Variants in TRIO observed in about 807,000 individuals in gnomAD.
The protein encoded by TRIO is trio Rho guanine nucleotide exchange factor.
Under a neutral mutation model 351.9 loss-of-function variants are expected in TRIO, and 58 were observed. That is an observed-to-expected ratio of 0.16 (90% CI 0.13 to 0.21). The LOEUF (loss-of-function observed/expected upper bound fraction) is 0.21, where lower values mean the gene tolerates loss of function less well. TRIO is among the 10% of genes least tolerant of loss of function. The pLI is 1.00. For missense variants in TRIO, 3,201 were observed against 4,027.8 expected, an observed-to-expected ratio of 0.79 and a Z score of 5.56; for synonymous variants, 1,758 against 1,595.7, an observed-to-expected ratio of 1.10 and a Z score of -2.42.
At position 14,388,069 on chromosome 5, in the gene TRIO, C is replaced by G. The variant is rs1579505746; in HGVS notation, c.3881+222C>G. The G allele has an allele frequency of 9.2e-6, 5 of 544,474 alleles. No individual in the cohort carries two copies. The East Asian group carries it at 1.5e-4, about 16-fold the overall frequency. 33.7% of individuals were successfully genotyped at this position (544,474 alleles called of 1,614,324 possible). A position where few individuals can be genotyped will look rare whatever the true frequency, so the allele number is the denominator to read the frequency against. On this transcript the variant is annotated intron_variant, in intron 23 of 56. Transcript: ENST00000344204. ...AGTTTTTATCCCTGTGCCTGTGTTT[C>G]ATTTGGAGTTGATGAATTGTCATTA...
intron 10 of TRIO, among the ~76,000 whole-genome samples, 200 bp downstream of exon 10, chr5:14,331,100 T>G (rs986849376): frequency 2.0e-5 from 3 of 152,272 alleles, no homozygotes; most frequent in Admixed American, 6.5e-5. Context: ...CTTTCTAAAA[T>G]ACGATGTTCT....
At chr5:14,287,953 A>G (rs1736586454) in intron 4 of TRIO, among the ~76,000 whole-genome samples, 1 of 152,234 alleles carries the variant, frequency 6.6e-6, no homozygotes, top group African/African-American at 2.4e-5. Flanking sequence ...TTATAATGCT[A>G]TACTTTTCAA....
intron 40 of TRIO, among the ~76,000 whole-genome samples, chr5:14,475,048 A>G (rs1037163493): frequency 2.0e-5 from 3 of 151,980 alleles, no homozygotes; most frequent in African/African-American, 2.4e-5. Flanking sequence ...CATTCCCCAC[A>G]CCTATCCTAA....
chr5:14,172,456 GCAGT>G (rs1485260314), intron 1 of TRIO, among the ~76,000 whole-genome samples: 7 of 152,194 alleles, frequency 4.6e-5, no homozygotes, highest in Non-Finnish European at 1.0e-4. Flanking sequence ...CTTTCAAGTG[GCAGT>G]CAGAGTGTTG....
chr5:14,307,268 T>C (rs1358982378), intron 8 of TRIO, among the ~76,000 whole-genome samples: 1 of 152,144 alleles, frequency 6.6e-6, no homozygotes, highest in Non-Finnish European at 1.5e-5. Context: ...GACCATCATC[T>C]CCACAGCCAC....
At chr5:14,317,761 A>G (rs154153) in intron 9 of TRIO, among the ~76,000 whole-genome samples, 131,856 of 152,136 alleles carry the variant, frequency 0.87, 57,608 homozygotes, top group African/African-American at 0.96. Context: ...GGAGGCTGAG[A>G]TGGCAGATCG....
intron 1 of TRIO, among the ~76,000 whole-genome samples, chr5:14,222,221 A>G (rs1337376935): frequency 1.3e-5 from 2 of 152,070 alleles, no homozygotes; most frequent in East Asian, 1.9e-4. Context: ...CACACATTTA[A>G]TAAACTACAG....
Position 14,333,436 on chromosome 5 carries a change from A to G in TRIO, c.1854+2536A>G, listed in dbSNP as rs570086287. On this transcript the variant is annotated intron_variant, in intron 10 of 56. Transcript: ENST00000344204. Reference sequence around the variant, plus strand: ...TGCCTTTTAGGTGATAATTTAAGTTACCTGGGGCTTTTAATTTGCACTGTA... The same window carrying G: ...TGCCTTTTAGGTGATAATTTAAGTTGCCTGGGGCTTTTAATTTGCACTGTA... Among the ~76,000 whole-genome samples the G allele has an allele frequency of 3.9e-5, 6 of 152,212 alleles. 1 individual carries two copies. Among genetic ancestry groups the G allele is most frequent in the African/African-American group, 1.4e-4 (6 of 41,510 alleles).
rs1787310459 is a variant in TRIO, at chr5:14,143,663, G to A, written c.-63G>A. 1.2e-6 allele frequency: 1 copy of A among 843,554 alleles called. No individual in the cohort carries two copies. Among genetic ancestry groups the A allele is most frequent in the Non-Finnish European group, 1.4e-6 (1 of 704,344 alleles). The allele number at this position is 843,554 out of a possible 1,614,324, so 52.3% of individuals were successfully genotyped here. ...CGCCGCCAGGCCCGGCGCGGAGCGG[G>A]CGGCACGCGGCGCTAGGGGCGCGGG... On this transcript the variant is annotated 5_prime_UTR_variant, in exon 1 of 57. Transcript: ENST00000344204.
At chr5:14,193,285 T>G (rs1244651997) in intron 1 of TRIO, among the ~76,000 whole-genome samples, 1 of 150,494 alleles carries the variant, frequency 6.6e-6, no homozygotes, top group Non-Finnish European at 1.5e-5. Context: ...TGTATTCATT[T>G]TTTGTTTTAG....
At chr5:14,339,762 C>T (rs938735695) in intron 11 of TRIO, among the ~76,000 whole-genome samples, 1 of 152,204 alleles carries the variant, frequency 6.6e-6, no homozygotes, top group Admixed American at 6.5e-5. Flanking sequence ...TGAGAATTTC[C>T]CTCAGTTCTT....
intron 1 of TRIO, among the ~76,000 whole-genome samples, chr5:14,178,157 C>T (rs558086764): frequency 7.9e-5 from 12 of 152,186 alleles, no homozygotes; most frequent in East Asian, 7.8e-4. Flanking sequence ...AGATTCCATT[C>T]GGCCTTTATT....
At chr5:14,221,072 C>G (rs1792587745) in intron 1 of TRIO, among the ~76,000 whole-genome samples, 1 of 152,186 alleles carries the variant, frequency 6.6e-6, no homozygotes. Flanking sequence ...TGCTCATTGA[C>G]CATTCTGAAA....
chr5:14,170,292 G>A (rs548619215), intron 1 of TRIO, among the ~76,000 whole-genome samples: 7 of 152,006 alleles, frequency 4.6e-5, no homozygotes, highest in Non-Finnish European at 7.4e-5. Context: ...AAAATTCAAT[G>A]GAGAGATTAT....
intron 8 of TRIO, among the ~76,000 whole-genome samples, chr5:14,312,574 CCTG>C (rs1244769120): frequency 6.6e-6 from 1 of 152,180 alleles, no homozygotes. Context: ...ATAGGAAAGT[CCTG>C]CTATTTAATA....
intron 1 of TRIO, among the ~76,000 whole-genome samples, chr5:14,209,431 T>G (rs1791747471): frequency 6.6e-6 from 1 of 152,270 alleles, no homozygotes; most frequent in South Asian, 2.1e-4. Flanking sequence ...GTGTCATGTC[T>G]CTACTCCCTC....
At chr5:14,212,544 A>G (rs1156488710) in intron 1 of TRIO, among the ~76,000 whole-genome samples, 2 of 152,198 alleles carry the variant, frequency 1.3e-5, no homozygotes, top group Non-Finnish European at 2.9e-5. Flanking sequence ...CCTAAAATAA[A>G]GTGTCTGAAG....
In TRIO at chr5:14,320,399, A is replaced by G. The variant is rs566320585; in HGVS notation, c.1731+3656A>G. Among the ~76,000 whole-genome samples the G allele has an allele frequency of 2.0e-5, 3 of 152,186 alleles. No individual in the cohort carries two copies. In the East Asian group the frequency reaches 5.8e-4, roughly 29 times the overall value. ...ATTGTTGAGATTCAGTTACTCTAGCATGTCAGGAGCAGTGAGTGGCCCCAT... is the reference window on the plus strand; with the variant it reads ...ATTGTTGAGATTCAGTTACTCTAGCGTGTCAGGAGCAGTGAGTGGCCCCAT... On this transcript the variant is annotated intron_variant, in intron 9 of 56. Transcript: ENST00000344204.
intron 32 of TRIO, chr5:14,406,225 T>C (rs995953173): frequency 3.1e-6 from 2 of 635,898 alleles, no homozygotes; most frequent in Non-Finnish European, 5.3e-6. Context: ...TGTTTTGCCT[T>C]TCTCACCCCG....
Sources: gnomAD v4.1 joint callset for allele counts (sites outside exome capture counted in the v4.1 genomes callset) on GRCh38, gnomAD v4.1.1 for gene constraint, MANE v1.5 for transcripts, NCBI Gene and HGNC (gene_info 2026-07-23, HGNC 2026-07-21) for gene names.